Variants in CXorf58 observed in about 807,000 individuals in gnomAD.
The protein encoded by CXorf58 is uncharacterized protein CXorf58.
CXorf58 carries 24 observed loss-of-function variants against 26.0 expected under a neutral mutation model. That is an observed-to-expected ratio of 0.92 (90% CI 0.67 to 1.30). CXorf58 has a LOEUF of 1.30. CXorf58 is among the 50% of genes most tolerant of loss of function. The pLI is 0.00. For missense variants in CXorf58, 236 were observed against 263.9 expected (o/e 0.89, Z 0.73); for synonymous variants, 87 against 86.1 (o/e 1.01, Z -0.06).
intron 6 of CXorf58, among the ~76,000 whole-genome samples, chrX:23,930,017 G>A (rs1928118874): frequency 9.2e-6 from 1 of 108,838 alleles, no homozygotes; most frequent in African/African-American, 3.3e-5. Flanking sequence ...CTAACACCGT[G>A]AAACCCCGTC....
At chrX:23,920,360 G>A in intron 5 of CXorf58, among the ~76,000 whole-genome samples, 1 of 112,178 alleles carries the variant, frequency 8.9e-6, no homozygotes, top group South Asian at 3.7e-4. Context: ...CATATCAAAG[G>A]TTATTTTTCT....
Position 23,913,748 on chromosome X carries a change from T to C in CXorf58, c.216+1892T>C, listed in dbSNP as rs1363714049. ...GGTGAAACCCCGTCTCTACTAAAAA[T>C]ACAAAAAAATTAGCCGGGCATGGTG... On this transcript the variant is annotated intron_variant, in intron 3 of 8. Transcript: ENST00000379211. Among the ~76,000 whole-genome samples the C allele has an allele frequency of 4.6e-5, 5 of 109,209 alleles. No homozygotes were observed. The Admixed American group carries it at 4.9e-4, about 11-fold the overall frequency. The allele number at this position is 109,209 out of a possible 115,157, so 94.8% of individuals were successfully genotyped here.
Position 23,911,864 on chromosome X carries a change from T to C in CXorf58, c.216+8T>C. 1 of 1,122,309 alleles carries C rather than the reference T, an allele frequency of 8.9e-7. No homozygotes were observed. 92.5% of individuals were successfully genotyped at this position (1,122,309 alleles called of 1,213,427 possible). A position where few individuals can be genotyped will look rare whatever the true frequency, so the allele number is the denominator to read the frequency against. On this transcript the variant is annotated splice_region_variant and intron_variant, in intron 3 of 8. Coordinates refer to ENST00000379211, the MANE Select transcript of CXorf58 (RefSeq NM_152761.3). ...CACGCAATTTGTGCAGCGGTATGTA[T>C]TTTGCTTATTTTTTTCTCTGAGGGA... is the stretch of plus-strand genomic sequence containing the variant.
At position 23,911,935 on chromosome X, in the gene CXorf58, T is replaced by A. The variant is rs1392382282; in HGVS notation, c.216+79T>A. The A allele has an allele frequency of 8.8e-6, 6 of 678,574 alleles. No individual in the cohort carries two copies. In the African/African-American group the frequency reaches 1.2e-4, roughly 13 times the overall value. The allele number at this position is 678,574 out of a possible 1,213,427, so 55.9% of individuals were successfully genotyped here. A position where few individuals can be genotyped will look rare whatever the true frequency, so the allele number is the denominator to read the frequency against. Reference sequence around the variant, plus strand: ...ATCTATTAATTAAAGATCGAATAGATAACCTTCTTTATCTCCTCTTTTTTT... The same window carrying A: ...ATCTATTAATTAAAGATCGAATAGAAAACCTTCTTTATCTCCTCTTTTTTT... On this transcript the variant is annotated intron_variant, in intron 3 of 8. Coordinates refer to ENST00000379211, the MANE Select transcript of CXorf58 (RefSeq NM_152761.3).
At chrX:23,919,729 C>T (rs925688940) in intron 5 of CXorf58, among the ~76,000 whole-genome samples, 4 of 112,345 alleles carry the variant, frequency 3.6e-5, no homozygotes, top group Admixed American at 9.5e-5. Flanking sequence ...AGTTAGGTAT[C>T]GTAGTATTTA....
chrX:23,911,530 T>G (rs190871752), intron 2 of CXorf58, among the ~76,000 whole-genome samples: 10 of 108,254 alleles, frequency 9.2e-5, no homozygotes, highest in Non-Finnish European at 1.9e-4. Context: ...GGCCAGGACT[T>G]TTTTTTTTAA....
At chrX:23,920,122 G>A (rs1402477011) in intron 5 of CXorf58, among the ~76,000 whole-genome samples, 1 of 112,233 alleles carries the variant, frequency 8.9e-6, no homozygotes, top group Non-Finnish European at 1.9e-5. Flanking sequence ...AGCAAGCATA[G>A]CACTGGGTCT....
At chrX:23,932,564 T>C (rs1004572424) in intron 6 of CXorf58, among the ~76,000 whole-genome samples, 4 of 112,428 alleles carry the variant, frequency 3.6e-5, no homozygotes, top group African/African-American at 1.3e-4. Flanking sequence ...CACAACTATA[T>C]ACGTTGCTGT....
chrX:23,919,884 C>T (rs759789819), intron 5 of CXorf58, among the ~76,000 whole-genome samples: 14 of 113,289 alleles, frequency 1.2e-4, no homozygotes, highest in East Asian at 2.8e-4. Flanking sequence ...AGCCCAGTAA[C>T]ACTGTGGCTC....
intron 5 of CXorf58, among the ~76,000 whole-genome samples, chrX:23,923,212 G>A (rs1174358815): frequency 9.0e-6 from 1 of 111,574 alleles, no homozygotes; most frequent in Admixed American, 9.6e-5. Context: ...TCACAGGTGG[G>A]CAGAGAGCTT....
chrX:23,918,943 G>A (rs928233852), intron 5 of CXorf58, among the ~76,000 whole-genome samples: 1 of 112,272 alleles, frequency 8.9e-6, no homozygotes, highest in Non-Finnish European at 1.9e-5. Flanking sequence ...GCTGCCAGAC[G>A]TATTGGAACT....
At chrX:23,924,721 G>A (rs989286076) in intron 5 of CXorf58, among the ~76,000 whole-genome samples, 2 of 109,355 alleles carry the variant, frequency 1.8e-5, no homozygotes, top group South Asian at 3.9e-4. Context: ...GTTAAATGAC[G>A]AGTTGATGGG....
chrX:23,910,328 G>A lies in CXorf58; in HGVS notation c.26G>A (p.Arg9His). The A allele has an allele frequency of 5.0e-6, 6 of 1,190,641 alleles. No individual in the cohort carries two copies. The highest frequency in any genetic ancestry group is 6.8e-6 in the Non-Finnish European group (6 of 879,583). MNRSSNVP[R>H]KGILKSGTRS... is the part of the protein sequence containing the mutation. Reference sequence around the variant, plus strand: ...ATGAATCGTTCCTCAAATGTACCACGTAAAGGTATTCTGAAATCAGGTACA... The same window carrying A: ...ATGAATCGTTCCTCAAATGTACCACATAAAGGTATTCTGAAATCAGGTACA... Residue 9 changes from arginine to histidine, a missense_variant, in exon 2 of 9, where the codon CGT (arginine) becomes CAT (histidine). Physicochemically the swap from Arg to His is conservative, Grantham distance 29. Transcript: ENST00000379211.
At position 23,939,407 on chromosome X, in the gene CXorf58, G is replaced by A. The variant is rs1292771401; in HGVS notation, c.*104G>A. 1.8e-6 allele frequency: 1 copy of A among 550,727 alleles called. No homozygotes were observed. Among genetic ancestry groups the A allele is most frequent in the Non-Finnish European group, 2.9e-6 (1 of 340,435 alleles). 45.4% of individuals were successfully genotyped at this position (550,727 alleles called of 1,213,427 possible). On this transcript the variant is annotated 3_prime_UTR_variant, in exon 9 of 9. Transcript: ENST00000379211. ...TTGGCAGCTGGTGATTCTCCATCAT[G>A]ATAATGAACAGTTAATTGACAGAAA...
chrX:23,932,588 G>T, intron 6 of CXorf58, among the ~76,000 whole-genome samples: 1 of 112,418 alleles, frequency 8.9e-6, no homozygotes, highest in Non-Finnish European at 1.9e-5. Flanking sequence ...TGTGTGAAAT[G>T]AATAACAGAT....
At position 23,938,550 on chromosome X, in the gene CXorf58, T is replaced by G; in HGVS notation, c.789T>G (p.Gly263=). Residue 263 remains glycine, a synonymous_variant, in exon 8 of 9, where the codon GGT becomes GGG. Transcript: ENST00000379211. ...TTTTAATACAAACATTTTCTAGGGG[T>G]CCATACTTAACTGTCCAACCTCTAT... ...HQLRIVSEIR[G]PYLTVQPLYR... is the part of the protein sequence containing the mutation. 1.8e-6 allele frequency: 2 copies of G among 1,139,086 alleles called. No homozygotes were observed. The highest frequency in any genetic ancestry group is 6.4e-5 in the Admixed American group (2 of 31,467). 93.9% of individuals were successfully genotyped at this position (1,139,086 alleles called of 1,213,427 possible). A position where few individuals can be genotyped will look rare whatever the true frequency, so the allele number is the denominator to read the frequency against.
intron 2 of CXorf58, among the ~76,000 whole-genome samples, chrX:23,910,915 A>G (rs1927562108): frequency 9.2e-6 from 1 of 108,434 alleles, no homozygotes. Flanking sequence ...ACAGGCATGC[A>G]CCACCACGCC....
intron 3 of CXorf58, among the ~76,000 whole-genome samples, chrX:23,913,938 A>G (rs1265733754): frequency 9.0e-6 from 1 of 110,684 alleles, no homozygotes; most frequent in Admixed American, 9.7e-5. Context: ...TCTATTATCC[A>G]TTGTCTTTGA....
chrX:23,914,914 C>T (rs1486161903), intron 3 of CXorf58, among the ~76,000 whole-genome samples: 1 of 110,598 alleles, frequency 9.0e-6, no homozygotes, highest in Non-Finnish European at 1.9e-5. Flanking sequence ...GCGTGCGGCT[C>T]ACAAGGTCAG....
Sources: gnomAD v4.1 joint callset for allele counts (sites outside exome capture counted in the v4.1 genomes callset) on GRCh38, gnomAD v4.1.1 for gene constraint, MANE v1.5 for transcripts, NCBI Gene and HGNC (gene_info 2026-07-23, HGNC 2026-07-21) for gene names.